Variants in MYRFL observed in about 807,000 individuals in gnomAD.
MYRFL encodes the protein myelin regulatory factor-like protein.
Under a neutral mutation model 109.4 loss-of-function variants are expected in MYRFL, and 88 were observed. The ratio of observed to expected loss-of-function variants is 0.80; its 90% CI spans 0.68 to 0.96. The LOEUF (loss-of-function observed/expected upper bound fraction) is 0.96. Ranked by LOEUF, MYRFL falls within the 40% of genes least tolerant of loss-of-function variation. The probability of loss-of-function intolerance (pLI) is 0.00; values close to 1 mark genes in which losing one functional copy is unlikely to be tolerated. For synonymous variants in MYRFL, 324 were observed against 320.9 expected, an observed-to-expected ratio of 1.01 and a Z score of -0.10; for missense variants, 957 against 954.9, an observed-to-expected ratio of 1.00 and a Z score of -0.03.
chr12:69,831,896 T>C (rs1882650894), intron 1 of MYRFL, among the ~76,000 whole-genome samples: 1 of 152,172 alleles, frequency 6.6e-6, no homozygotes, highest in Non-Finnish European at 1.5e-5. Flanking sequence ...TTTAATGTTT[T>C]ATTTGGGAAG....
At chr12:69,933,809 G>A (rs17107299) in intron 16 of MYRFL, among the ~76,000 whole-genome samples, 36,137 of 151,540 alleles carry the variant, frequency 0.24, 4,534 homozygotes, top group South Asian at 0.38. Context: ...TTCCCAGCCC[G>A]GTGGAAAAGT....
intron 1 of MYRFL, among the ~76,000 whole-genome samples, chr12:69,833,157 G>A (rs912900269): frequency 6.6e-6 from 1 of 152,088 alleles, no homozygotes; most frequent in Admixed American, 6.6e-5. Flanking sequence ...TAAAGCCCCT[G>A]AGACTAAGTG....
chr12:69,929,909 T>C (rs1266099117), intron 15 of MYRFL, among the ~76,000 whole-genome samples: 1 of 152,232 alleles, frequency 6.6e-6, no homozygotes, highest in East Asian at 1.9e-4. Context: ...GTAAAGCACT[T>C]AGAAGGGTGC....
rs866346785 is a variant in MYRFL, at chr12:69,862,465, A to T, written c.137+7095A>T. ...AGTTCTCCTTGAAGAGGTCCTTCAC[A>T]TCCCTTGTAAGTTGGATTCCTAGGT... On this transcript the variant is annotated intron_variant, in intron 2 of 24. Coordinates refer to ENST00000552032, the MANE Select transcript of MYRFL (RefSeq NM_182530.3). Among the ~76,000 whole-genome samples the T allele has an allele frequency of 3.8e-3, 570 of 151,690 alleles. 6 individuals carry two copies. Among genetic ancestry groups the T allele is most frequent in the African/African-American group, 0.013 (547 of 41,414 alleles).
chr12:69,913,112 G>GA (rs1184677316), intron 13 of MYRFL, among the ~76,000 whole-genome samples: 1 of 151,976 alleles, frequency 6.6e-6, no homozygotes, highest in African/African-American at 2.4e-5. Context: ...ATCTTCTTTG[G>GA]AAAAATGTCA....
At chr12:69,834,108 T>A (rs888917610) in intron 1 of MYRFL, among the ~76,000 whole-genome samples, 1 of 152,136 alleles carries the variant, frequency 6.6e-6, no homozygotes, top group African/African-American at 2.4e-5. Flanking sequence ...CAGAGGAAAG[T>A]TAGGCAGCAG....
chr12:69,826,907 T>A (rs1882314441), intron 1 of MYRFL, among the ~76,000 whole-genome samples: 2 of 152,116 alleles, frequency 1.3e-5, no homozygotes, highest in African/African-American at 4.8e-5. Flanking sequence ...TTTCTTTAAA[T>A]GGTAGCTTGT....
intron 6 of MYRFL, among the ~76,000 whole-genome samples, chr12:69,890,029 A>T (rs1009119203): frequency 1.3e-5 from 2 of 152,160 alleles, no homozygotes; most frequent in African/African-American, 4.8e-5. Context: ...AGAAGTAACC[A>T]CCATTGTAGG....
chr12:69,863,115 G>A (rs1198844365), intron 2 of MYRFL, among the ~76,000 whole-genome samples: 2 of 151,846 alleles, frequency 1.3e-5, no homozygotes, highest in Non-Finnish European at 2.9e-5. Flanking sequence ...TGATCATGGT[G>A]GATAAGCTTT....
chr12:69,888,083 T>G (rs919928483), intron 6 of MYRFL, among the ~76,000 whole-genome samples: 7 of 152,218 alleles, frequency 4.6e-5, no homozygotes, highest in Non-Finnish European at 1.0e-4. Flanking sequence ...GTTTTCAAGG[T>G]AAGTGTTATC....
chr12:69,891,101 T>C lies in MYRFL; in HGVS notation c.838T>C (p.Phe280Leu). The change falls in exon 7 of 25, where the codon TTT becomes CTT. Residue 280 changes from phenylalanine (F) to leucine (L), a missense_variant. Phe to Leu is a conservative substitution (Grantham distance 22). Coordinates refer to ENST00000552032, the MANE Select transcript of MYRFL (RefSeq NM_182530.3). ...CATCCAAGTTTGGGGAAGTCCAAAA[T>C]TTGTTGAAACCGAGATGGGCCTAAA... ...IHIQVWGSPK[F>L]VETEMGLKPI... 2 of 1,535,086 alleles carry C rather than the reference T, an allele frequency of 1.3e-6. No homozygotes were observed. The highest frequency in any genetic ancestry group is 1.7e-6 in the Non-Finnish European group (2 of 1,146,546).
intron 13 of MYRFL, among the ~76,000 whole-genome samples, chr12:69,914,882 C>G (rs1029595582): frequency 6.6e-6 from 1 of 152,136 alleles, no homozygotes; most frequent in South Asian, 2.1e-4. Flanking sequence ...TGGAGTGATG[C>G]AATCTATGGA....
intron 15 of MYRFL, among the ~76,000 whole-genome samples, chr12:69,931,833 AT>A (rs918356610): frequency 6.6e-6 from 1 of 152,276 alleles, no homozygotes; most frequent in Admixed American, 6.5e-5. Context: ...TTTTATACCA[AT>A]ATGTATCAGT....
intron 2 of MYRFL, among the ~76,000 whole-genome samples, chr12:69,862,687 A>G (rs1015991422): frequency 6.6e-6 from 1 of 152,020 alleles, no homozygotes; most frequent in Non-Finnish European, 1.5e-5. Flanking sequence ...CAATCATGTC[A>G]TCTGCAAACA....
Position 69,910,936 on chromosome 12 carries a change from C to T in MYRFL, c.1602+6C>T, listed in dbSNP as rs575284149. The T allele has an allele frequency of 1.3e-6, 2 of 1,523,604 alleles. No individual in the cohort carries two copies. Among genetic ancestry groups the T allele is most frequent in the African/African-American group, 1.4e-5 (1 of 72,874 alleles). The allele number at this position is 1,523,604 out of a possible 1,614,324, so 94.4% of individuals were successfully genotyped here. A position where few individuals can be genotyped will look rare whatever the true frequency, so the allele number is the denominator to read the frequency against. On this transcript the variant is annotated splice_donor_region_variant and intron_variant, in intron 13 of 24. Transcript: ENST00000552032. ...ACTTCCTCATGGTGGATAAGGTAAT[C>T]ACTGAAAAGATATCAGCTGCTATAA...
chr12:69,952,852 G>A lies in MYRFL; in HGVS notation c.2341G>A (p.Asp781Asn). 1 of 1,535,636 alleles carries A rather than the reference G, an allele frequency of 6.5e-7. No homozygotes were observed. Among genetic ancestry groups the A allele is most frequent in the Non-Finnish European group, 8.7e-7 (1 of 1,146,624 alleles). Residue 781 changes from aspartate to asparagine, a missense_variant, in exon 21 of 25, where the codon GAT (aspartate) becomes AAT (asparagine). Coordinates refer to ENST00000552032, the MANE Select transcript of MYRFL (RefSeq NM_182530.3). ...IQIMEIQQII[D>N]HQYCIQSLQC... Reference sequence around the variant, plus strand: ...GATTATGGAAATCCAGCAAATAATAGATCATCAGTATTGCATTCAAAGCCT... The same window carrying A: ...GATTATGGAAATCCAGCAAATAATAAATCATCAGTATTGCATTCAAAGCCT...
intron 1 of MYRFL, among the ~76,000 whole-genome samples, chr12:69,842,096 T>C (rs1053637247): frequency 5.9e-5 from 9 of 152,230 alleles, no homozygotes; most frequent in Non-Finnish European, 5.9e-5. Context: ...CTATTGCTTC[T>C]TTGTGTTTGG....
At chr12:69,847,306 C>A (rs1321922952) in intron 1 of MYRFL, among the ~76,000 whole-genome samples, 1 of 152,106 alleles carries the variant, frequency 6.6e-6, no homozygotes, top group Non-Finnish European at 1.5e-5. Flanking sequence ...GCATATGCCC[C>A]AATTATGCCA....
chr12:69,850,364 A>ATTTAATATAAAATATTAAT (rs1332578125), intron 1 of MYRFL, among the ~76,000 whole-genome samples: 1 of 151,776 alleles, frequency 6.6e-6, no homozygotes, highest in East Asian at 1.9e-4. Context: ...AAAATATTAA[A>ATTTAATATAAAATATTAAT]TTTAATATAA....
Sources: gnomAD v4.1 joint callset for allele counts (sites outside exome capture counted in the v4.1 genomes callset) on GRCh38, gnomAD v4.1.1 for gene constraint, MANE v1.5 for transcripts, NCBI Gene and HGNC (gene_info 2026-07-23, HGNC 2026-07-21) for gene names.